The following SLC4A1 variants were observed in gnomAD, a reference collection of about 807,000 sequenced individuals.
SLC4A1 encodes the protein band 3 anion transport protein.
In SLC4A1, 29 loss-of-function variants were observed where a neutral mutation model predicts 93.1. The observed-to-expected ratio is 0.31, with a 90% CI of 0.23 to 0.42. SLC4A1 has a LOEUF of 0.42. Among genes scored for constraint, SLC4A1 ranks in the 20% least tolerant of loss-of-function variants. The pLI is 1.00. For synonymous variants in SLC4A1, 469 were observed against 497.2 expected (o/e 0.94, Z 0.76); for missense variants, 965 against 1,190.1 (o/e 0.81, Z 2.78).
Position 44,258,713 on chromosome 17 carries a change from C to A in SLC4A1, c.877-90G>T. 7.9e-7 allele frequency: 1 copy of A among 1,268,740 alleles called. No individual in the cohort carries two copies. The highest frequency in any genetic ancestry group is 1.1e-6 in the Non-Finnish European group (1 of 893,348). 78.6% of individuals were successfully genotyped at this position (1,268,740 alleles called of 1,614,324 possible). A position where few individuals can be genotyped will look rare whatever the true frequency, so the allele number is the denominator to read the frequency against. ...AGCCAGGGCCTCCAGGAACCAGAAC[C>A]CCCTCAGGCAGCAGCTCCCATTGCC... is the stretch of plus-strand genomic sequence containing the variant. On this transcript the variant is annotated intron_variant, in intron 9 of 19. Transcript: ENST00000262418. This position sits in a 1 kb window ranked among gnomAD's most constrained non-coding sequence, Gnocchi z 6.1.
In SLC4A1 at chr17:44,248,773, G is replaced by A. The variant is rs1452069822; in HGVS notation, c.*1685C>T. The A allele has an allele frequency of 6.2e-6, 1 of 160,118 alleles. No homozygotes were observed. Among genetic ancestry groups the A allele is most frequent in the African/African-American group, 2.6e-5 (1 of 38,944 alleles). 9.9% of individuals were successfully genotyped at this position (160,118 alleles called of 1,614,324 possible). A position where few individuals can be genotyped will look rare whatever the true frequency, so the allele number is the denominator to read the frequency against. ...AGCTAGCCTGGGAGGTACAAATAATGTTACTCTATGTTGGGCTGGAACCCC... is the reference window on the plus strand; with the variant it reads ...AGCTAGCCTGGGAGGTACAAATAATATTACTCTATGTTGGGCTGGAACCCC... On this transcript the variant is annotated 3_prime_UTR_variant, in exon 20 of 20. Transcript: ENST00000262418.
At position 44,258,929 on chromosome 17, in the gene SLC4A1, T is replaced by C. The variant is rs560810062; in HGVS notation, c.876+234A>G. On this transcript the variant is annotated intron_variant, in intron 9 of 19. Coordinates refer to ENST00000262418, the MANE Select transcript of SLC4A1 (RefSeq NM_000342.4). The surrounding 1 kb of genome is among the most constrained non-coding windows in gnomAD (Gnocchi z 6.1). The stretch of plus-strand genomic sequence containing the variant: ...GACCTGACCAGGTGGAACCAGGTCA[T>C]AGTGAGCTGGACTAGACTAAGCCAG... Among the ~76,000 whole-genome samples, 4 of 151,646 alleles carry C rather than the reference T, an allele frequency of 2.6e-5. No homozygotes were observed. The highest frequency in any genetic ancestry group is 1.9e-4 in the East Asian group (1 of 5,160).
At chr17:44,261,839 G>A (rs781356304) in intron 3 of SLC4A1, among the ~76,000 whole-genome samples, 3 of 152,156 alleles carry the variant, frequency 2.0e-5, no homozygotes, top group Non-Finnish European at 4.4e-5. Flanking sequence ...CTAGCCTTGG[G>A]CTCCCTATCT....
Position 44,251,262 on chromosome 17 carries a change from T to A in SLC4A1, c.2552A>T (p.Lys851Met). ...CAGGGCCAGGGAGGCCGGCGTGGAC[T>A]TCACCACCCACAGCACTGCCAGGCA... is the stretch of plus-strand genomic sequence containing the variant. Reference protein sequence around the residue: ...IICLAVLWVVKSTPASLALPF... With the variant: ...IICLAVLWVVMSTPASLALPF... Residue 851 changes from lysine (K) to methionine (M), a missense_variant, in exon 19 of 20, where the codon AAG becomes ATG. Lys to Met is a moderately conservative substitution (Grantham distance 95). This residue lies in a region of SLC4A1 where 770 missense variants were observed against 1,006.6 expected (regional missense o/e 0.76). Coordinates refer to ENST00000262418, the MANE Select transcript of SLC4A1 (RefSeq NM_000342.4). 6.2e-7 allele frequency: 1 copy of A among 1,614,170 alleles called. No homozygotes were observed.
intron 4 of SLC4A1, 71 bp from the exon 5 acceptor site, chr17:44,260,886 G>A: frequency 1.9e-6 from 3 of 1,544,012 alleles, no homozygotes; most frequent in South Asian, 1.1e-5. Flanking sequence ...AGCCACTCTC[G>A]AGAGAGGCTT....
Position 44,248,800 on chromosome 17 carries a change from C to CCA in SLC4A1, c.*1656_*1657dup. 1 of 178,470 alleles carries CCA rather than the reference C, an allele frequency of 5.6e-6. No homozygotes were observed. Among genetic ancestry groups the CCA allele is most frequent in the Non-Finnish European group, 1.2e-5 (1 of 85,814 alleles). 11.1% of individuals were successfully genotyped at this position (178,470 alleles called of 1,614,324 possible). A position where few individuals can be genotyped will look rare whatever the true frequency, so the allele number is the denominator to read the frequency against. On this transcript the variant is annotated 3_prime_UTR_variant, in exon 20 of 20. Transcript: ENST00000262418. The stretch of plus-strand genomic sequence containing the variant: ...TACTCTATGTTGGGCTGGAACCCCA[C>CCA]CACACACACATGTTGAGTCTGTGGC...
At chr17:44,254,464 CTCCCA>C in intron 16 of SLC4A1, 27 bp downstream of exon 16, 1 of 1,350,392 alleles carries the variant, frequency 7.4e-7, no homozygotes, top group Non-Finnish European at 1.0e-6. Context: ...GCCTCCCACC[CTCCCA>C]GGCCCAGCCC....
chr17:44,249,220 C>T lies in SLC4A1; in HGVS notation c.*1238G>A, dbSNP rs1316797097. 4 of 450,636 alleles carry T rather than the reference C, an allele frequency of 8.9e-6. No homozygotes were observed. The highest frequency in any genetic ancestry group is 2.0e-5 in the African/African-American group (1 of 49,628). 27.9% of individuals were successfully genotyped at this position (450,636 alleles called of 1,614,324 possible). A position where few individuals can be genotyped will look rare whatever the true frequency, so the allele number is the denominator to read the frequency against. On this transcript the variant is annotated 3_prime_UTR_variant, in exon 20 of 20. Coordinates refer to ENST00000262418, the MANE Select transcript of SLC4A1 (RefSeq NM_000342.4). ...TTTCCTCCATCTCTCACCACTTTCA[C>T]GTCTTTCAACTCTTTTTATCTTTTT...
intron 17 of SLC4A1, among the ~76,000 whole-genome samples, chr17:44,252,597 G>A (rs1006695374): frequency 8.5e-5 from 13 of 152,048 alleles, no homozygotes; most frequent in Non-Finnish European, 1.9e-4. Flanking sequence ...TGCCCACACC[G>A]AACCCAGCTC....
In SLC4A1 at chr17:44,255,843, A is replaced by G; in HGVS notation, c.1630T>C (p.Phe544Leu). Reference protein sequence around the residue: ...YETFSKLIKIFQDHPLQKTYN... With the variant: ...YETFSKLIKILQDHPLQKTYN... ...GTCTTCTGTAGTGGGTGGTCCTGGA[A>G]GATCTGCAGCAGAAAACCAAGGCAT... The change falls in exon 14 of 20, where the codon TTC becomes CTC. Residue 544 changes from phenylalanine (F) to leucine (L), a missense_variant. This residue lies in a region of SLC4A1 where 770 missense variants were observed against 1,006.6 expected (regional missense o/e 0.76). Coordinates refer to ENST00000262418, the MANE Select transcript of SLC4A1 (RefSeq NM_000342.4). 1 of 1,614,106 alleles carries G rather than the reference A, an allele frequency of 6.2e-7. No individual in the cohort carries two copies. Among genetic ancestry groups the G allele is most frequent in the Non-Finnish European group, 8.5e-7 (1 of 1,180,008 alleles).
chr17:44,252,998 G>A, intron 17 of SLC4A1, 120 bp downstream of exon 17: 1 of 1,056,534 alleles, frequency 9.5e-7, no homozygotes, highest in East Asian at 2.5e-5. Flanking sequence ...GAGATGTGGG[G>A]AAGTGGTGCA....
chr17:44,261,741 C>T (rs2047447065), intron 3 of SLC4A1, 105 bp from the exon 4 acceptor site: 20 of 1,593,910 alleles, frequency 1.3e-5, no homozygotes, highest in Non-Finnish European at 8.6e-6. Flanking sequence ...GATGCCCCTC[C>T]TTCCCAGTGC....
chr17:44,259,760 C>G, intron 7 of SLC4A1, 49 bp downstream of exon 7: 1 of 1,613,362 alleles, frequency 6.2e-7, no homozygotes, highest in Admixed American at 1.7e-5. Flanking sequence ...TGAGAAAGCT[C>G]TCTCCTTGCC....
At chr17:44,252,213 G>A (rs996575792) in intron 17 of SLC4A1, among the ~76,000 whole-genome samples, 6 of 151,782 alleles carry the variant, frequency 4.0e-5, no homozygotes, top group Admixed American at 6.6e-5. Flanking sequence ...GCGACACCAC[G>A]CCCAGCTGAT....
chr17:44,251,681 A>C, intron 17 of SLC4A1, 93 bp from the exon 18 acceptor site: 2 of 1,019,336 alleles, frequency 2.0e-6, no homozygotes, highest in Non-Finnish European at 3.0e-6. Flanking sequence ...AATAAAACAC[A>C]GGCACCATAT....
rs766885976 is a variant in SLC4A1, at chr17:44,251,513, C to G, written c.2387G>C (p.Gly796Ala). ...CTGGATGCCGCTGAGCGACGTGACC[C>G]CCATGTAGAGGAAGATGCCAAACAG... Reference protein sequence around the residue: ...AVLFGIFLYMGVTSLSGIQLF... With the variant: ...AVLFGIFLYMAVTSLSGIQLF... Residue 796 changes from glycine to alanine, a missense_variant, in exon 18 of 20, where the codon GGG becomes GCG. This residue lies in a region of SLC4A1 where 770 missense variants were observed against 1,006.6 expected (regional missense o/e 0.76). Transcript: ENST00000262418. 3 of 1,614,088 alleles carry G rather than the reference C, an allele frequency of 1.9e-6. No individual in the cohort carries two copies. In the Admixed American group the frequency reaches 5.0e-5, roughly 27 times the overall value.
chr17:44,255,965 A>G, intron 13 of SLC4A1, 119 bp from the exon 14 acceptor site: 1 of 938,192 alleles, frequency 1.1e-6, no homozygotes, highest in Non-Finnish European at 1.7e-6. Flanking sequence ...TTAATTCATC[A>G]TCCATCCATT....
chr17:44,249,190 T>A lies in SLC4A1; in HGVS notation c.*1268A>T, dbSNP rs2144592262. On this transcript the variant is annotated 3_prime_UTR_variant, in exon 20 of 20. Transcript: ENST00000262418. ...TCCTCTCTTTTCTACCACTTCCTGA[T>A]TCTGTTTCCTCCATCTCTCACCACT... The A allele has an allele frequency of 2.2e-6, 1 of 455,292 alleles. No individual in the cohort carries two copies. The highest frequency in any genetic ancestry group is 4.4e-6 in the Non-Finnish European group (1 of 226,562). The allele number at this position is 455,292 out of a possible 1,614,324, so 28.2% of individuals were successfully genotyped here.
At chr17:44,261,523 G>A in intron 4 of SLC4A1, 52 bp downstream of exon 4, 2 of 1,614,060 alleles carry the variant, frequency 1.2e-6, no homozygotes, top group Admixed American at 3.3e-5. Flanking sequence ...CTGATCAAAT[G>A]GTGGGTCCCA....
Sources: allele counts gnomAD v4.1 joint callset (sites outside exome capture counted in the v4.1 genomes callset), GRCh38; gene constraint gnomAD v4.1.1; regional missense constraint gnomAD v4.1.1; non-coding constraint Gnocchi (gnomAD v3.1); transcripts MANE v1.5; gene names NCBI Gene and HGNC (gene_info 2026-07-23, HGNC 2026-07-21).